IMMP2L: variants seen among roughly 807,000 people sequenced by gnomAD.
IMMP2L encodes inner mitochondrial membrane peptidase subunit 2, also known as mitochondrial inner membrane protease subunit 2.
In IMMP2L, 18 loss-of-function variants were observed where a neutral mutation model predicts 19.3. That is an observed-to-expected ratio of 0.93 (90% confidence interval 0.64 to 1.38). IMMP2L has a LOEUF of 1.38. Among genes scored for constraint, IMMP2L ranks in the 40% most tolerant of loss-of-function variants. The pLI, the probability that IMMP2L is intolerant of heterozygous loss-of-function variation, is 0.00. For missense variants in IMMP2L, 233 were observed against 218.2 expected, an observed-to-expected ratio of 1.07 and a Z score of -0.43; for synonymous variants, 76 against 73.0, an observed-to-expected ratio of 1.04 and a Z score of -0.21.
At chr7:111,276,699 C>A (rs56082495) in intron 3 of IMMP2L, among the ~76,000 whole-genome samples, 3,010 of 147,648 alleles carry the variant, frequency 0.02, 48 homozygotes, top group Admixed American at 0.039. Context: ...CTGCATCACA[C>A]TACCTGACTT....
intron 5 of IMMP2L, among the ~76,000 whole-genome samples, chr7:110,815,982 C>T (rs866073109): frequency 1.5e-4 from 23 of 152,014 alleles, no homozygotes; most frequent in South Asian, 1.0e-3. Flanking sequence ...CTGCTCTGAT[C>T]TTAGTTATTT....
In IMMP2L at chr7:111,155,169, G is replaced by C. The variant is rs767903631; in HGVS notation, c.240-191604C>G. 6.4e-4 allele frequency among the ~76,000 whole-genome samples: 97 copies of C among 152,174 alleles called. 2 individuals carry two copies. Among genetic ancestry groups the C allele is most frequent in the Admixed American group, 4.8e-3 (73 of 15,272 alleles). On this transcript the variant is annotated intron_variant, in intron 3 of 5. Transcript: ENST00000405709. The stretch of plus-strand genomic sequence containing the variant: ...AGATGAATATGGCTTTTCTGTTTCT[G>C]AATTTGTTGTAAGAAACAGAAGAAC...
chr7:111,409,103 ATTC>A (rs1174225775), intron 3 of IMMP2L, among the ~76,000 whole-genome samples: 10 of 151,748 alleles, frequency 6.6e-5, no homozygotes, highest in Admixed American at 6.6e-4. Flanking sequence ...TTCCTCTATT[ATTC>A]TTAAGAAACT....
At chr7:110,994,083 G>A (rs1356685365) in intron 3 of IMMP2L, among the ~76,000 whole-genome samples, 1 of 151,344 alleles carries the variant, frequency 6.6e-6, no homozygotes, top group Non-Finnish European at 1.5e-5. Flanking sequence ...AATGTGTTGG[G>A]AAATAGCTTT....
intron 5 of IMMP2L, among the ~76,000 whole-genome samples, chr7:110,694,054 A>G (rs1463174874): frequency 6.6e-6 from 1 of 152,166 alleles, no homozygotes; most frequent in African/African-American, 2.4e-5. Context: ...AGATACTACC[A>G]TTTCTGATGA....
intron 5 of IMMP2L, among the ~76,000 whole-genome samples, chr7:110,693,386 T>C (rs1038948191): frequency 6.6e-6 from 1 of 152,226 alleles, no homozygotes; most frequent in Non-Finnish European, 1.5e-5. Context: ...AAGCCTTCTA[T>C]GTCCTCCACA....
intron 5 of IMMP2L, among the ~76,000 whole-genome samples, chr7:110,729,734 G>T (rs891782505): frequency 1.8e-4 from 28 of 152,262 alleles, no homozygotes; most frequent in African/African-American, 5.3e-4. Context: ...ACACATGGGT[G>T]GGGGGAACAA....
chr7:111,001,485 T>C (rs907159041), intron 3 of IMMP2L, among the ~76,000 whole-genome samples: 3 of 152,194 alleles, frequency 2.0e-5, no homozygotes, highest in Admixed American at 2.0e-4. Context: ...TTTAAAACTT[T>C]GAGAGGGCAA....
At chr7:110,848,966 A>G (rs1386701375) in intron 5 of IMMP2L, among the ~76,000 whole-genome samples, 1 of 152,126 alleles carries the variant, frequency 6.6e-6, no homozygotes, top group Non-Finnish European at 1.5e-5. Flanking sequence ...GGGCAGTGAA[A>G]CTATTCTGTA....
chr7:110,818,951 G>C (rs1264019323), intron 5 of IMMP2L, among the ~76,000 whole-genome samples: 2 of 118,808 alleles, frequency 1.7e-5, no homozygotes, highest in Non-Finnish European at 3.3e-5. Context: ...CACACTCTGG[G>C]GACTGTTGTT....
chr7:111,392,571 C>T (rs191340700), intron 3 of IMMP2L, among the ~76,000 whole-genome samples: 2 of 152,202 alleles, frequency 1.3e-5, no homozygotes, highest in East Asian at 3.9e-4. Context: ...CTTCTAACAC[C>T]AACCAATTCT....
intron 5 of IMMP2L, among the ~76,000 whole-genome samples, chr7:110,856,536 A>G (rs1304986018): frequency 1.3e-5 from 2 of 152,036 alleles, no homozygotes; most frequent in Non-Finnish European, 2.9e-5. Context: ...ATTCATGAAA[A>G]AGGAAAATCA....
chr7:110,674,114 G>C (rs905156310), intron 5 of IMMP2L, among the ~76,000 whole-genome samples: 15 of 152,156 alleles, frequency 9.9e-5, no homozygotes, highest in African/African-American at 3.6e-4. Context: ...AGCATGGCTG[G>C]AGAGGCCTCA....
intron 2 of IMMP2L, among the ~76,000 whole-genome samples, chr7:111,502,733 C>T (rs1178810698): frequency 1.3e-5 from 2 of 150,914 alleles, no homozygotes; most frequent in East Asian, 1.9e-4. Flanking sequence ...GGGTACATAA[C>T]GAAATGAAGG....
intron 1 of IMMP2L, among the ~76,000 whole-genome samples, chr7:111,551,924 G>C (rs7791245): frequency 0.79 from 120,499 of 152,032 alleles, 49,724 homozygotes; most frequent in East Asian, 0.97. Flanking sequence ...GCAAGGTAGA[G>C]CAAGTACTAA....
intron 3 of IMMP2L, among the ~76,000 whole-genome samples, chr7:111,344,931 A>G (rs1827384402): frequency 6.6e-6 from 1 of 152,150 alleles, no homozygotes; most frequent in African/African-American, 2.4e-5. Context: ...AAGAGGCCAC[A>G]GTGATAAATC....
At chr7:110,899,048 T>C (rs930645749) in intron 4 of IMMP2L, among the ~76,000 whole-genome samples, 1 of 152,164 alleles carries the variant, frequency 6.6e-6, no homozygotes, top group Admixed American at 6.6e-5. Context: ...TGTAATTTTA[T>C]TTTTTAATAA....
intron 5 of IMMP2L, among the ~76,000 whole-genome samples, chr7:110,774,757 T>C (rs184103181): frequency 1.3e-5 from 2 of 152,154 alleles, no homozygotes; most frequent in Admixed American, 6.6e-5. Context: ...CCTAGGTGTA[T>C]AGTAGGTATA....
chr7:110,748,670 T>C (rs917268455), intron 5 of IMMP2L, among the ~76,000 whole-genome samples: 9 of 152,178 alleles, frequency 5.9e-5, no homozygotes, highest in South Asian at 2.1e-4. Flanking sequence ...ATTTAATAAA[T>C]GGTGTTGGGA....
Sources: gnomAD v4.1 joint callset for allele counts (sites outside exome capture counted in the v4.1 genomes callset) on GRCh38, gnomAD v4.1.1 for gene constraint, MANE v1.5 for transcripts, NCBI Gene and HGNC (gene_info 2026-07-23, HGNC 2026-07-21) for gene names.